SRD5A2: variants seen among roughly 807,000 people sequenced by gnomAD.
SRD5A2 encodes the protein 3-oxo-5-alpha-steroid 4-dehydrogenase 2.
SRD5A2 carries 30 observed loss-of-function variants against 27.4 expected under a neutral mutation model. The ratio of observed to expected loss-of-function variants is 1.10; its 90% CI spans 0.82 to 1.49. The LOEUF is 1.49. Ranked by LOEUF, SRD5A2 falls within the 40% of genes most tolerant of loss-of-function variation. The probability of loss-of-function intolerance (pLI) is 0.00; values close to 1 mark genes in which losing one functional copy is unlikely to be tolerated. For missense variants in SRD5A2, 348 were observed against 323.4 expected, an observed-to-expected ratio of 1.08 and a Z score of -0.58; for synonymous variants, 141 against 133.6, an observed-to-expected ratio of 1.06 and a Z score of -0.38.
the SRD5A2 span, among the ~76,000 whole-genome samples, chr2:31,604,830 A>C: frequency 6.6e-6 from 1 of 151,944 alleles, no homozygotes; most frequent in Non-Finnish European, 1.5e-5. Context: ...GATTCACAGA[A>C]GACCCAGAAT....
chr2:31,637,104 G>A, the SRD5A2 span, among the ~76,000 whole-genome samples: 1 of 151,944 alleles, frequency 6.6e-6, no homozygotes, highest in African/African-American at 2.4e-5. Context: ...CTGGTCCTGG[G>A]CTTTTCTTTG....
chr2:31,580,378 G>C (rs1667046095), intron 1 of SRD5A2, among the ~76,000 whole-genome samples: 1 of 152,222 alleles, frequency 6.6e-6, no homozygotes, highest in East Asian at 1.9e-4. Flanking sequence ...GAGCTGCTGA[G>C]AGCGGATGAG....
chr2:31,657,859 G>A, the SRD5A2 span, among the ~76,000 whole-genome samples: 1 of 152,118 alleles, frequency 6.6e-6, no homozygotes, highest in South Asian at 2.1e-4. Flanking sequence ...GTGGGGGTGG[G>A]AAGGAAATAA....
the SRD5A2 span, among the ~76,000 whole-genome samples, chr2:31,609,980 G>T: frequency 6.6e-6 from 1 of 151,980 alleles, no homozygotes; most frequent in Non-Finnish European, 1.5e-5. Context: ...GGAAGAAATA[G>T]AAATCTAAAC....
chr2:31,619,060 G>C, the SRD5A2 span, among the ~76,000 whole-genome samples: 163 of 152,170 alleles, frequency 1.1e-3, 1 homozygote, highest in South Asian at 0.024. Flanking sequence ...TACATGAAAA[G>C]ATGCCCACCA....
chr2:31,620,817 ATATT>A, the SRD5A2 span, among the ~76,000 whole-genome samples: 298 of 148,664 alleles, frequency 2.0e-3, no homozygotes, highest in African/African-American at 6.6e-3. Flanking sequence ...TATTTTATAT[ATATT>A]TATTTATTTC....
chr2:31,541,257 T>C (rs1572635864), intron 1 of SRD5A2, among the ~76,000 whole-genome samples: 2 of 148,622 alleles, frequency 1.3e-5, no homozygotes, highest in African/African-American at 5.0e-5. Context: ...AACAAAACAA[T>C]AACAAAAAGC....
the SRD5A2 span, among the ~76,000 whole-genome samples, chr2:31,602,232 A>G: frequency 1.3e-5 from 2 of 152,122 alleles, no homozygotes; most frequent in African/African-American, 2.4e-5. Context: ...ACAAAAATCA[A>G]TGTGCAAAAA....
chr2:31,581,976 T>C (rs1310514025), upstream of SRD5A2, among the ~76,000 whole-genome samples: 1 of 152,166 alleles, frequency 6.6e-6, no homozygotes, highest in African/African-American at 2.4e-5. Context: ...CTTGGCTGCC[T>C]CCTCCTCTGT....
chr2:31,611,010 G>C, the SRD5A2 span, among the ~76,000 whole-genome samples: 1 of 152,098 alleles, frequency 6.6e-6, no homozygotes, highest in Non-Finnish European at 1.5e-5. Context: ...TCAGGAGGTT[G>C]AGGCAGGAGA....
the SRD5A2 span, among the ~76,000 whole-genome samples, chr2:31,662,317 T>C: frequency 1.3e-5 from 2 of 152,028 alleles, no homozygotes; most frequent in African/African-American, 4.8e-5. Context: ...GTTTTGTGTG[T>C]TTGTTTATGT....
At chr2:31,613,323 A>G in the SRD5A2 span, among the ~76,000 whole-genome samples, 1 of 152,220 alleles carries the variant, frequency 6.6e-6, no homozygotes, top group African/African-American at 2.4e-5. Flanking sequence ...AATGGATAAA[A>G]AAGCAAAACC....
At chr2:31,658,285 A>C in the SRD5A2 span, among the ~76,000 whole-genome samples, 1 of 152,132 alleles carries the variant, frequency 6.6e-6, no homozygotes, top group South Asian at 2.1e-4. Context: ...GAAAGATCTC[A>C]AATTAATAAC....
rs974104490 is a variant in SRD5A2, at chr2:31,529,015, C to G, written c.698+292G>C. Among the ~76,000 whole-genome samples the G allele has an allele frequency of 3.9e-5, 6 of 152,240 alleles. 1 individual carries two copies. The highest frequency in any genetic ancestry group is 3.3e-4 in the Admixed American group (5 of 15,284). On this transcript the variant is annotated intron_variant, in intron 4 of 4. Coordinates refer to ENST00000622030, the MANE Select transcript of SRD5A2 (RefSeq NM_000348.4). ...TGCAAGGCACTTCTCGCTGGACAGCCTTCTTCAACAAGACAGGCACAGGAC... is the reference window on the plus strand; with the variant it reads ...TGCAAGGCACTTCTCGCTGGACAGCGTTCTTCAACAAGACAGGCACAGGAC...
the SRD5A2 span, among the ~76,000 whole-genome samples, chr2:31,634,000 C>T: frequency 2.6e-5 from 4 of 152,052 alleles, no homozygotes; most frequent in Non-Finnish European, 2.9e-5. Flanking sequence ...AAGAAATAGC[C>T]AATCATCTAT....
At chr2:31,583,625 AAAACAAAAAAAAAGCAAAAAAAAAACC>A (rs1558379380), upstream of SRD5A2, among the ~76,000 whole-genome samples, 12 of 42,454 alleles carry the variant, frequency 2.8e-4, 2 homozygotes, top group Non-Finnish European at 6.3e-4. Context: ...AAAAAAAAAA[AAAACAAAAAAAAAGCAAAAAAAAAACC>A]AAAAAAAAAG....
At chr2:31,638,881 T>C in the SRD5A2 span, among the ~76,000 whole-genome samples, 1 of 152,050 alleles carries the variant, frequency 6.6e-6, no homozygotes, top group Non-Finnish European at 1.5e-5. Context: ...ACTCTGTGCC[T>C]TTGAATTAGA....
the SRD5A2 span, among the ~76,000 whole-genome samples, chr2:31,623,113 C>T: frequency 4.6e-5 from 7 of 152,068 alleles, no homozygotes; most frequent in Non-Finnish European, 7.4e-5. Flanking sequence ...GCTCTCGTCT[C>T]CTTTGCAAAA....
At chr2:31,553,242 A>T (rs1666417090) in intron 1 of SRD5A2, among the ~76,000 whole-genome samples, 1 of 152,188 alleles carries the variant, frequency 6.6e-6, no homozygotes, top group Admixed American at 6.5e-5. Context: ...CAAAAGAAAA[A>T]AGAATGAAAG....
Sources: allele counts gnomAD v4.1 joint callset (sites outside exome capture counted in the v4.1 genomes callset), GRCh38; gene constraint gnomAD v4.1.1; transcripts MANE v1.5; gene names NCBI Gene and HGNC (gene_info 2026-07-23, HGNC 2026-07-21).